The following MAGI3 variants were observed in gnomAD, a reference collection of about 807,000 sequenced individuals.
The protein encoded by MAGI3 is membrane associated guanylate kinase, WW and PDZ domain containing 3.
Under a neutral mutation model 121.8 loss-of-function variants are expected in MAGI3, and 43 were observed. The observed-to-expected ratio is 0.35, with a 90% CI of 0.28 to 0.46. MAGI3 has a LOEUF of 0.46. Ranked by LOEUF, MAGI3 falls within the 20% of genes least tolerant of loss-of-function variation. The pLI, the probability that MAGI3 is intolerant of heterozygous loss-of-function variation, is 1.00. For synonymous variants in MAGI3, 553 were observed against 639.3 expected (o/e 0.86, Z 2.04); for missense variants, 1,547 against 1,797.3 (o/e 0.86, Z 2.52).
At chr1:113,605,011 T>C (rs936272130) in intron 6 of MAGI3, among the ~76,000 whole-genome samples, 1 of 150,434 alleles carries the variant, frequency 6.6e-6, no homozygotes, top group African/African-American at 2.4e-5. Flanking sequence ...TTTTTAGATA[T>C]AGTAAAATAA....
intron 6 of MAGI3, among the ~76,000 whole-genome samples, chr1:113,614,003 G>C (rs563493844): frequency 4.6e-5 from 7 of 152,198 alleles, no homozygotes; most frequent in African/African-American, 1.7e-4. Flanking sequence ...GCTATGTAAG[G>C]TATTTATTTG....
intron 1 of MAGI3, among the ~76,000 whole-genome samples, chr1:113,512,345 A>G (rs902481093): frequency 3.9e-5 from 6 of 152,170 alleles, no homozygotes; most frequent in Non-Finnish European, 8.8e-5. Context: ...AGAATAATTA[A>G]CTCTATTACT....
intron 8 of MAGI3, among the ~76,000 whole-genome samples, chr1:113,621,847 C>A (rs1427994269): frequency 6.6e-6 from 1 of 151,748 alleles, no homozygotes. Flanking sequence ...AGAAACCATT[C>A]AAAAAACCAC....
intron 1 of MAGI3, among the ~76,000 whole-genome samples, chr1:113,400,656 T>C (rs375680826): frequency 6.6e-6 from 1 of 152,176 alleles, no homozygotes; most frequent in Non-Finnish European, 1.5e-5. Context: ...TAAAATGATA[T>C]AGTCTTTATT....
Position 113,654,184 on chromosome 1 carries a change from G to A in MAGI3, c.2629+166G>A, listed in dbSNP as rs144558486. ...TTTTCAAAATTAGGTAATTTGAACC[G>A]AACCTTCCAGGCTTCAAGTTTATCT... is the stretch of plus-strand genomic sequence containing the variant. On this transcript the variant is annotated intron_variant, in intron 15 of 20. Coordinates refer to ENST00000307546, the MANE Select transcript of MAGI3 (RefSeq NM_001142782.2). Among the ~76,000 whole-genome samples the A allele has an allele frequency of 5.1e-3, 781 of 152,288 alleles. 2 individuals carry two copies. Among genetic ancestry groups the A allele is most frequent in the Non-Finnish European group, 8.8e-3 (598 of 68,028 alleles).
intron 2 of MAGI3, among the ~76,000 whole-genome samples, chr1:113,559,653 C>T (rs1410656299): frequency 3.3e-5 from 5 of 151,912 alleles, no homozygotes; most frequent in South Asian, 2.1e-4. Context: ...CTGCAGCCTC[C>T]GCCTCCTGGA....
At chr1:113,564,521 G>A (rs980388605) in intron 2 of MAGI3, among the ~76,000 whole-genome samples, 3 of 152,084 alleles carry the variant, frequency 2.0e-5, no homozygotes, top group Non-Finnish European at 4.4e-5. Context: ...ATAAGATTTT[G>A]TTACTATTTT....
intron 2 of MAGI3, among the ~76,000 whole-genome samples, chr1:113,564,062 C>T (rs1471504535): frequency 6.6e-6 from 1 of 152,212 alleles, no homozygotes; most frequent in Non-Finnish European, 1.5e-5. Flanking sequence ...AAACAGTTAA[C>T]AATTCTGTAT....
rs905502948 is a variant in MAGI3, at chr1:113,391,179, G to T, written c.146G>T (p.Arg49Leu). 7.7e-6 allele frequency: 12 copies of T among 1,553,268 alleles called. No individual in the cohort carries two copies. In the African/African-American group the frequency reaches 1.4e-4, roughly 18 times the overall value. Residue 49 changes from arginine (R) to leucine (L), a missense_variant, in exon 1 of 21, where the codon CGC becomes CTC. Transcript: ENST00000307546. This position sits in a 1 kb window ranked among gnomAD's most constrained non-coding sequence, Gnocchi z 4.4. Reference sequence around the variant, plus strand: ...GAGTTCCCCTACCTGGGGCGGCTCCGCGAGGAGCCCGGCGGGGGCACCTGC... The same window carrying T: ...GAGTTCCCCTACCTGGGGCGGCTCCTCGAGGAGCCCGGCGGGGGCACCTGC... ...RGEFPYLGRL[R>L]EEPGGGTCCV...
At chr1:113,651,320 C>T in intron 14 of MAGI3, 114 bp downstream of exon 14, 1 of 977,580 alleles carries the variant, frequency 1.0e-6, no homozygotes, top group African/African-American at 1.7e-5. Flanking sequence ...TAAGATAACC[C>T]ATTTGGTGTG....
intron 1 of MAGI3, among the ~76,000 whole-genome samples, chr1:113,524,235 C>T (rs1658347062): frequency 6.6e-6 from 1 of 152,150 alleles, no homozygotes; most frequent in African/African-American, 2.4e-5. Context: ...AAGGCAGTGC[C>T]AAAGCAAAAT....
At chr1:113,510,857 T>C (rs1051179035) in intron 1 of MAGI3, among the ~76,000 whole-genome samples, 3 of 152,238 alleles carry the variant, frequency 2.0e-5, no homozygotes, top group African/African-American at 7.2e-5. Flanking sequence ...TCACACGCAC[T>C]GTTTGCCCTG....
Position 113,683,485 on chromosome 1 carries a change from C to A in MAGI3, c.3917C>A (p.Ala1306Asp). Residue 1306 changes from alanine to aspartate, a missense_variant, in exon 21 of 21, where the codon GCC becomes GAC. Ala to Asp is a moderately radical substitution (Grantham distance 126). Transcript: ENST00000307546. Reference sequence around the variant, plus strand: ...AGCAAAGCTCCATCAAATGCTGAGGCCAAATTATTAGAGGGTAAGAGTCGA... The same window carrying A: ...AGCAAAGCTCCATCAAATGCTGAGGACAAATTATTAGAGGGTAAGAGTCGA... ...EGSKAPSNAE[A>D]KLLEGKSRRI... is the part of the protein sequence containing the mutation. The A allele has an allele frequency of 6.2e-7, 1 of 1,613,804 alleles. No homozygotes were observed. The highest frequency in any genetic ancestry group is 8.5e-7 in the Non-Finnish European group (1 of 1,179,856).
intron 8 of MAGI3, among the ~76,000 whole-genome samples, chr1:113,621,402 T>C (rs192349289): frequency 1.3e-5 from 2 of 152,116 alleles, no homozygotes; most frequent in African/African-American, 4.8e-5. Flanking sequence ...TTAGTCACTC[T>C]AGGAAGAGCA....
rs199618863 is a variant in MAGI3 at position 113,629,748 on chromosome 1, C to G, written c.1360+6754C>G. 8.3e-3 allele frequency among the ~76,000 whole-genome samples: 575 copies of G among 69,094 alleles called. 2 individuals carry two copies. Among genetic ancestry groups the G allele is most frequent in the South Asian group, 0.024 (30 of 1,274 alleles). The allele number at this position is 69,094 out of a possible 152,430, so 45.3% of individuals were successfully genotyped here. ...AGTCTCCCTCTCTCTCTCTCTCTCT[C>G]TCTCTCTCTCTCTCCCTCCCTCCCT... is the stretch of plus-strand genomic sequence containing the variant. On this transcript the variant is annotated intron_variant, in intron 9 of 20. Coordinates refer to ENST00000307546, the MANE Select transcript of MAGI3 (RefSeq NM_001142782.2).
At chr1:113,475,332 A>C (rs1204724634) in intron 1 of MAGI3, among the ~76,000 whole-genome samples, 1 of 152,100 alleles carries the variant, frequency 6.6e-6, no homozygotes, top group East Asian at 1.9e-4. Context: ...CAAAGGGAAC[A>C]CTTCCAGTTT....
rs906074977 is a variant in MAGI3 at position 113,658,019 on chromosome 1, C to T, written c.2630-1061C>T. Among the ~76,000 whole-genome samples the T allele has an allele frequency of 6.6e-6, 1 of 152,140 alleles. No homozygotes were observed. Among genetic ancestry groups the T allele is most frequent in the African/African-American group, 2.4e-5 (1 of 41,416 alleles). On this transcript the variant is annotated intron_variant, in intron 15 of 20. Coordinates refer to ENST00000307546, the MANE Select transcript of MAGI3 (RefSeq NM_001142782.2). This position sits in a 1 kb window ranked among gnomAD's most constrained non-coding sequence, Gnocchi z 4.0. ...ATGATTCAGAAATACTAGTAAGGAG[C>T]AGGTTTTACTATGGAAATTAAACAT... is the stretch of plus-strand genomic sequence containing the variant.
chr1:113,534,661 T>G (rs1658882089), intron 1 of MAGI3, among the ~76,000 whole-genome samples: 3 of 152,222 alleles, frequency 2.0e-5, no homozygotes, highest in Admixed American at 6.5e-5. Context: ...GTGACCATTA[T>G]GACACCAAAG....
chr1:113,566,632 AT>A (rs1464792093), intron 2 of MAGI3, among the ~76,000 whole-genome samples: 1 of 152,210 alleles, frequency 6.6e-6, no homozygotes, highest in African/African-American at 2.4e-5. Flanking sequence ...TGAAACTAAA[AT>A]TAATTAGCAG....
Sources: gnomAD v4.1 joint callset for allele counts (sites outside exome capture counted in the v4.1 genomes callset) on GRCh38, gnomAD v4.1.1 for gene constraint, Gnocchi (gnomAD v3.1) non-coding constraint, MANE v1.5 for transcripts, NCBI Gene and HGNC (gene_info 2026-07-23, HGNC 2026-07-21) for gene names.